NUBPL: variants seen among roughly 807,000 people sequenced by gnomAD.
The protein encoded by NUBPL is NUBP iron-sulfur cluster assembly factor, mitochondrial.
Under a neutral mutation model 45.7 loss-of-function variants are expected in NUBPL, and 31 were observed. The observed-to-expected ratio is 0.68, with a 90% confidence interval of 0.51 to 0.92. NUBPL has a LOEUF of 0.92. Ranked by LOEUF, NUBPL falls within the 40% of genes least tolerant of loss-of-function variation. NUBPL has a pLI of 0.00. For synonymous variants in NUBPL, 144 were observed against 140.9 expected (o/e 1.02, Z -0.15); for missense variants, 401 against 398.7 (o/e 1.01, Z -0.05).
intron 4 of NUBPL, among the ~76,000 whole-genome samples, chr14:31,619,852 TC>T (rs969972745): frequency 6.6e-6 from 1 of 152,052 alleles, no homozygotes; most frequent in Non-Finnish European, 1.5e-5. Flanking sequence ...TTGGGGGAGT[TC>T]TCCTGGAAAA....
At chr14:31,749,622 T>C (rs1321004488) in intron 6 of NUBPL, among the ~76,000 whole-genome samples, 1 of 152,202 alleles carries the variant, frequency 6.6e-6, no homozygotes, top group Non-Finnish European at 1.5e-5. Flanking sequence ...CCTCTGCTTT[T>C]CGAATTCTCT....
intron 3 of NUBPL, among the ~76,000 whole-genome samples, chr14:31,595,971 A>G (rs2034271763): frequency 6.7e-6 from 1 of 150,056 alleles, no homozygotes; most frequent in Non-Finnish European, 1.5e-5. Context: ...CAGTGGCGCA[A>G]TCTTGGCCCA....
At chr14:31,734,892 G>GT (rs2064784104) in intron 6 of NUBPL, among the ~76,000 whole-genome samples, 1 of 151,936 alleles carries the variant, frequency 6.6e-6, no homozygotes, top group Non-Finnish European at 1.5e-5. Context: ...TAACCTCCAG[G>GT]TTATAACCAA....
At chr14:31,685,448 A>T (rs2036930648) in intron 6 of NUBPL, among the ~76,000 whole-genome samples, 1 of 152,094 alleles carries the variant, frequency 6.6e-6, no homozygotes, top group South Asian at 2.1e-4. Flanking sequence ...GGGCTGGGTG[A>T]GGGAAAGGAA....
At chr14:31,846,333 A>T in intron 8 of NUBPL, 138 bp from the exon 9 acceptor site, 1 of 719,954 alleles carries the variant, frequency 1.4e-6, no homozygotes, top group Non-Finnish European at 2.5e-6. Flanking sequence ...TTCAGAGCAG[A>T]GGCCATAGTT....
At chr14:31,727,340 T>C (rs2037947951) in intron 6 of NUBPL, among the ~76,000 whole-genome samples, 1 of 152,220 alleles carries the variant, frequency 6.6e-6, no homozygotes, top group Non-Finnish European at 1.5e-5. Flanking sequence ...TCTCTTATAT[T>C]GTTTTTTCAG....
intron 3 of NUBPL, among the ~76,000 whole-genome samples, chr14:31,575,540 A>T (rs1440110532): frequency 1.3e-5 from 2 of 152,172 alleles, no homozygotes. Flanking sequence ...GTGTTATTAT[A>T]ATCTGGAATA....
At chr14:31,669,680 A>G (rs1321969814) in intron 4 of NUBPL, among the ~76,000 whole-genome samples, 1 of 150,480 alleles carries the variant, frequency 6.6e-6, no homozygotes, top group East Asian at 2.0e-4. Flanking sequence ...AGTTCTTATC[A>G]TTTAGTTCCC....
At chr14:31,839,369 C>T (rs2040333376) in intron 8 of NUBPL, among the ~76,000 whole-genome samples, 2 of 152,124 alleles carry the variant, frequency 1.3e-5, no homozygotes, top group Admixed American at 1.3e-4. Context: ...GGAGAAAGGA[C>T]AGTTGCTTCA....
At chr14:31,593,703 A>G (rs1452245803) in intron 3 of NUBPL, among the ~76,000 whole-genome samples, 2 of 152,070 alleles carry the variant, frequency 1.3e-5, no homozygotes, top group East Asian at 3.9e-4. Flanking sequence ...GGGAGTTGCA[A>G]TTTTAGATAG....
intron 6 of NUBPL, among the ~76,000 whole-genome samples, chr14:31,778,320 A>G (rs2039132296): frequency 1.3e-5 from 2 of 152,180 alleles, no homozygotes; most frequent in Admixed American, 6.6e-5. Context: ...AAAAACAAAC[A>G]AACAAACAAG....
intron 3 of NUBPL, among the ~76,000 whole-genome samples, chr14:31,585,784 G>A (rs1014637055): frequency 8.6e-5 from 13 of 151,926 alleles, no homozygotes; most frequent in Admixed American, 4.6e-4. Context: ...TTTCCTGACT[G>A]TGTTTCTGTT....
chr14:31,712,526 C>T (rs2037598707), intron 6 of NUBPL, among the ~76,000 whole-genome samples: 1 of 152,260 alleles, frequency 6.6e-6, no homozygotes, highest in Non-Finnish European at 1.5e-5. Context: ...CTTCACACCT[C>T]CCTGCGAGCA....
intron 4 of NUBPL, among the ~76,000 whole-genome samples, chr14:31,666,259 A>T (rs7161605): frequency 0.26 from 4,139 of 16,078 alleles, 298 homozygotes; most frequent in East Asian, 0.42. Context: ...ATATATATAT[A>T]TATAATTTTA....
chr14:31,841,930 T>G (rs1368579832), intron 8 of NUBPL, among the ~76,000 whole-genome samples: 6 of 122,254 alleles, frequency 4.9e-5, no homozygotes, highest in Non-Finnish European at 6.8e-5. Context: ...TTTTTTTTTT[T>G]TTTTTTTTTT....
chr14:31,712,969 T>C (rs554963336), intron 6 of NUBPL, among the ~76,000 whole-genome samples: 5 of 152,100 alleles, frequency 3.3e-5, no homozygotes, highest in East Asian at 3.9e-4. Flanking sequence ...CTTAGGAACA[T>C]AGGAATTAGG....
chr14:31,590,392 C>T (rs2139523619), intron 3 of NUBPL, among the ~76,000 whole-genome samples: 1 of 152,138 alleles, frequency 6.6e-6, no homozygotes, highest in South Asian at 2.1e-4. Flanking sequence ...CTTTAATTCT[C>T]AGCGGAGCAG....
chr14:31,636,851 C>T (rs1272097437), intron 4 of NUBPL, among the ~76,000 whole-genome samples: 3 of 152,180 alleles, frequency 2.0e-5, no homozygotes, highest in Non-Finnish European at 2.9e-5. Flanking sequence ...TTATCCATTT[C>T]TTCTAGATTT....
chr14:31,639,702 C>A (rs1488488285), intron 4 of NUBPL, among the ~76,000 whole-genome samples: 1 of 152,226 alleles, frequency 6.6e-6, no homozygotes, highest in Admixed American at 6.5e-5. Context: ...CCTACAGAGG[C>A]AGGCAGGCCT....
Sources: allele counts gnomAD v4.1 joint callset (sites outside exome capture counted in the v4.1 genomes callset), GRCh38; gene constraint gnomAD v4.1.1; transcripts MANE v1.5; gene names NCBI Gene and HGNC (gene_info 2026-07-23, HGNC 2026-07-21).